The following DYNC2I1 variants were observed in gnomAD, a reference collection of about 807,000 sequenced individuals.
The protein encoded by DYNC2I1 is cytoplasmic dynein 2 intermediate chain 1.
DYNC2I1 carries 89 observed loss-of-function variants against 133.4 expected under a neutral mutation model. The ratio of observed to expected loss-of-function variants is 0.67; its 90% CI spans 0.56 to 0.80. DYNC2I1 has a LOEUF of 0.80. DYNC2I1 is among the 30% of genes least tolerant of loss of function. DYNC2I1 has a pLI of 0.00. For synonymous variants in DYNC2I1, 504 were observed against 484.3 expected, an observed-to-expected ratio of 1.04 and a Z score of -0.54; for missense variants, 1,291 against 1,314.5, an observed-to-expected ratio of 0.98 and a Z score of 0.28.
chr7:158,913,204 G>C, intron 13 of DYNC2I1, 108 bp downstream of exon 13: 2 of 860,512 alleles, frequency 2.3e-6, no homozygotes, highest in Non-Finnish European at 3.5e-6. Flanking sequence ...TTTCTCTTCT[G>C]TATGGTTGTT....
chr7:158,886,513 C>G (rs370498505), intron 6 of DYNC2I1, among the ~76,000 whole-genome samples: 3 of 152,128 alleles, frequency 2.0e-5, no homozygotes, highest in South Asian at 4.1e-4. Context: ...TATTTTCTGT[C>G]TTGAATTATT....
intron 11 of DYNC2I1, 126 bp from the exon 12 acceptor site, chr7:158,911,424 C>T (rs765742624): frequency 2.5e-5 from 26 of 1,048,262 alleles, no homozygotes; most frequent in Non-Finnish European, 3.1e-5. Flanking sequence ...TCAGACTCAC[C>T]CCAGCCTGAA....
chr7:158,871,470 A>C lies in DYNC2I1; in HGVS notation c.398A>C (p.Glu133Ala). Residue 133 changes from glutamate (E) to alanine (A), a missense_variant, in exon 3 of 25, where the codon GAG (glutamate) becomes GCG (alanine). Coordinates refer to ENST00000407559, the MANE Select transcript of DYNC2I1 (RefSeq NM_018051.5). ...KEKDRRARKE[E>A]LRQTVAHHNL... is the part of the protein sequence containing the mutation. ...AAAGACAGAAGGGCCCGGAAGGAAG[A>C]GCTCCGGCAGACCGTGGCCCACCAC... 1 of 1,549,128 alleles carries C rather than the reference A, an allele frequency of 6.5e-7. No individual in the cohort carries two copies. The highest frequency in any genetic ancestry group is 8.7e-7 in the Non-Finnish European group (1 of 1,146,888).
At chr7:158,861,456 C>T (rs1017826010) in intron 1 of DYNC2I1, among the ~76,000 whole-genome samples, 8 of 152,180 alleles carry the variant, frequency 5.3e-5, no homozygotes, top group African/African-American at 1.4e-4. Context: ...TTTCCCGTCC[C>T]GCCTGCAGTT....
intron 11 of DYNC2I1, among the ~76,000 whole-genome samples, chr7:158,910,483 T>C (rs1847311541): frequency 6.8e-6 from 1 of 147,982 alleles, no homozygotes. Context: ...CGAGTGCGAT[T>C]GGCTGTGTCA....
At chr7:158,938,450 C>A (rs927924752) in intron 23 of DYNC2I1, among the ~76,000 whole-genome samples, 1 of 152,102 alleles carries the variant, frequency 6.6e-6, no homozygotes, top group Non-Finnish European at 1.5e-5. Context: ...ATCCTCAGAC[C>A]CATCTTGCAA....
intron 23 of DYNC2I1, among the ~76,000 whole-genome samples, chr7:158,939,726 ATTCAC>A (rs1165982703): frequency 1.3e-5 from 2 of 152,154 alleles, no homozygotes; most frequent in Admixed American, 1.3e-4. Flanking sequence ...CTCTCAAGAA[ATTCAC>A]TTCACCTATA....
chr7:158,869,951 G>T (rs116625827), intron 2 of DYNC2I1, 43 bp downstream of exon 2: 1 of 1,575,408 alleles, frequency 6.3e-7, no homozygotes, highest in Non-Finnish European at 8.7e-7. Context: ...TGCAGGACTC[G>T]TGTGGTTTTC....
At chr7:158,948,694 T>A (rs1428666020), downstream of DYNC2I1, among the ~76,000 whole-genome samples, 1 of 152,204 alleles carries the variant, frequency 6.6e-6, no homozygotes, top group Admixed American at 6.5e-5. Context: ...GGCTACAGTC[T>A]GGTCCCTCAA....
chr7:158,922,682 T>A, intron 16 of DYNC2I1, 133 bp downstream of exon 16: 1 of 850,386 alleles, frequency 1.2e-6, no homozygotes, highest in South Asian at 1.8e-5. Flanking sequence ...GGCCATTCTC[T>A]GTCTCTCACA....
the DYNC2I1 span, among the ~76,000 whole-genome samples, chr7:158,848,011 TAA>T: frequency 2.0e-5 from 3 of 152,218 alleles, no homozygotes; most frequent in Non-Finnish European, 4.4e-5. Flanking sequence ...TCTTTAGTTT[TAA>T]AGACAGATAT....
intron 10 of DYNC2I1, chr7:158,905,390 C>T: frequency 4.1e-6 from 1 of 241,190 alleles, no homozygotes; most frequent in South Asian, 4.8e-5. Flanking sequence ...ATCCGCCTGC[C>T]TCGGCCTCCC....
intron 10 of DYNC2I1, 135 bp downstream of exon 10, chr7:158,902,730 C>T: frequency 1.3e-6 from 1 of 780,110 alleles, no homozygotes; most frequent in East Asian, 2.6e-5. Flanking sequence ...GCTGGTGGTG[C>T]CATGCCCTTG....
chr7:158,930,204 G>A (rs777974956), intron 20 of DYNC2I1, among the ~76,000 whole-genome samples: 6 of 151,864 alleles, frequency 4.0e-5, no homozygotes, highest in Middle Eastern at 6.8e-3. Flanking sequence ...ATGATATAAA[G>A]GCTCCCAGAT....
At position 158,879,705 on chromosome 7, in the gene DYNC2I1, G is replaced by A. The variant is rs778784309; in HGVS notation, c.595G>A (p.Asp199Asn). Residue 199 changes from aspartate to asparagine, a missense_variant, in exon 5 of 25, where the codon GAC (aspartate) becomes AAC (asparagine). Coordinates refer to ENST00000407559, the MANE Select transcript of DYNC2I1 (RefSeq NM_018051.5). The stretch of plus-strand genomic sequence containing the variant: ...ACAGCTGCAGTACGGAGACAGCAAG[G>A]ACAACCCTCTCAAGTACTGGCTTTA... ...ERKLQYGDSK[D>N]NPLKYWLYKE... 4 of 1,590,504 alleles carry A rather than the reference G, an allele frequency of 2.5e-6. No individual in the cohort carries two copies. Among genetic ancestry groups the A allele is most frequent in the Non-Finnish European group, 3.4e-6 (4 of 1,173,342 alleles).
chr7:158,863,267 GCAGAGCGCTGATTGGTCCGTTTTTA>G (rs1386238943), intron 1 of DYNC2I1, among the ~76,000 whole-genome samples: 4 of 151,898 alleles, frequency 2.6e-5, no homozygotes, highest in African/African-American at 9.7e-5. Context: ...TTAGCTAGAC[GCAGAGCGCTGATTGGTCCGTTTTTA>G]CAGAGTGCTG....
At chr7:158,934,656 C>G (rs1850570098) in intron 23 of DYNC2I1, 107 bp downstream of exon 23, 3 of 1,223,472 alleles carry the variant, frequency 2.5e-6, no homozygotes, top group Non-Finnish European at 3.4e-6. Flanking sequence ...TCATAGCTCA[C>G]TGCAGCCTTG....
chr7:158,870,645 T>G (rs547795408), intron 2 of DYNC2I1, among the ~76,000 whole-genome samples: 6 of 152,312 alleles, frequency 3.9e-5, no homozygotes, highest in Admixed American at 1.3e-4. Flanking sequence ...AGTGCTGGGA[T>G]AATAGGTGTG....
chr7:158,918,657 A>G (rs1848717983), intron 14 of DYNC2I1, 83 bp from the exon 15 acceptor site: 3 of 1,530,620 alleles, frequency 2.0e-6, no homozygotes, highest in African/African-American at 2.7e-5. Context: ...GCAGATATGG[A>G]TAAGATGAAA....
Sources: allele counts gnomAD v4.1 joint callset (sites outside exome capture counted in the v4.1 genomes callset), GRCh38; gene constraint gnomAD v4.1.1; transcripts MANE v1.5; gene names NCBI Gene and HGNC (gene_info 2026-07-23, HGNC 2026-07-21).